CYB5R4: variants seen among roughly 807,000 people sequenced by gnomAD.
The protein encoded by CYB5R4 is cytochrome b5 reductase 4.
In CYB5R4, 55 loss-of-function variants were observed where a neutral mutation model predicts 70.2. The observed-to-expected ratio is 0.78, with a 90% confidence interval of 0.63 to 0.98. CYB5R4 has a LOEUF of 0.98. CYB5R4 is among the 50% of genes least tolerant of loss of function. The pLI, the probability that CYB5R4 is intolerant of heterozygous loss-of-function variation, is 0.00. For missense variants in CYB5R4, 562 were observed against 612.6 expected, an observed-to-expected ratio of 0.92 and a Z score of 0.87; for synonymous variants, 197 against 199.5, an observed-to-expected ratio of 0.99 and a Z score of 0.11.
chr6:83,918,125 T>A, intron 6 of CYB5R4, 60 bp downstream of exon 6: 1 of 1,291,262 alleles, frequency 7.7e-7, no homozygotes, highest in Non-Finnish European at 1.1e-6. Context: ...AATGTACACA[T>A]TTAAAAAATA....
chr6:83,905,484 G>A (rs989187817), intron 3 of CYB5R4, among the ~76,000 whole-genome samples: 1 of 152,146 alleles, frequency 6.6e-6, no homozygotes, highest in African/African-American at 2.4e-5. Flanking sequence ...TTCTTCAGGT[G>A]TAAACAGCAT....
chr6:83,921,281 AT>A, intron 8 of CYB5R4, 106 bp downstream of exon 8: 1 of 1,038,192 alleles, frequency 9.6e-7, no homozygotes. Flanking sequence ...TGCTGTTACC[AT>A]TTTGGTTTGT....
intron 5 of CYB5R4, 136 bp downstream of exon 5, chr6:83,914,584 C>T (rs972450929): frequency 1.4e-6 from 1 of 737,740 alleles, no homozygotes; most frequent in Non-Finnish European, 1.9e-6. Context: ...GTCACCCAGG[C>T]TGGAGTGCAG....
rs906610771 is a variant in CYB5R4 at position 83,924,537 on chromosome 6, C to T, written c.759C>T (p.Asp253=). 19 of 1,613,366 alleles carry T rather than the reference C, an allele frequency of 1.2e-5. No individual in the cohort carries two copies. Among genetic ancestry groups the T allele is most frequent in the Non-Finnish European group, 1.5e-5 (18 of 1,179,512 alleles). ...VLQKKENTSW[D]FLGHPLKNHN... is the part of the protein sequence containing the mutation. ...AAAAAAAAGAGAATACTTCTTGGGA[C>T]TTTCTTGGCCATCCCCTGAAGAATC... is the stretch of plus-strand genomic sequence containing the variant. Residue 253 remains aspartate, a synonymous_variant, in exon 10 of 16, where the codon GAC becomes GAT. Coordinates refer to ENST00000369681, the MANE Select transcript of CYB5R4 (RefSeq NM_016230.4).
intron 15 of CYB5R4, among the ~76,000 whole-genome samples, chr6:83,957,873 A>AGTTAG (rs1355276511): frequency 6.6e-6 from 1 of 152,146 alleles, no homozygotes; most frequent in Admixed American, 6.6e-5. Flanking sequence ...TGTGACTCTC[A>AGTTAG]GTTAGGACTC....
chr6:83,864,838 T>G (rs767635916), intron 2 of CYB5R4, among the ~76,000 whole-genome samples: 1 of 152,166 alleles, frequency 6.6e-6, no homozygotes, highest in Non-Finnish European at 1.5e-5. Context: ...TCAGAGTGCA[T>G]TAGAAACTCC....
intron 10 of CYB5R4, among the ~76,000 whole-genome samples, chr6:83,929,991 T>G (rs2099467918): frequency 6.6e-6 from 1 of 152,202 alleles, no homozygotes; most frequent in South Asian, 2.1e-4. Flanking sequence ...ACAATTTTTT[T>G]GGTTTCCCAG....
chr6:83,890,614 G>A (rs1458355633), intron 2 of CYB5R4, among the ~76,000 whole-genome samples: 1 of 152,196 alleles, frequency 6.6e-6, no homozygotes, highest in African/African-American at 2.4e-5. Context: ...AATTTTGGAA[G>A]CAGTTCTACT....
At chr6:83,943,421 C>T (rs372234018) in intron 14 of CYB5R4, among the ~76,000 whole-genome samples, 1 of 146,508 alleles carries the variant, frequency 6.8e-6, no homozygotes, top group Non-Finnish European at 1.5e-5. Flanking sequence ...GCATCAACAT[C>T]AAAAAAAAAA....
In CYB5R4 at chr6:83,922,486, C is replaced by G. The variant is rs986984982; in HGVS notation, c.691+16C>G. 1 of 1,608,160 alleles carries G rather than the reference C, an allele frequency of 6.2e-7. No individual in the cohort carries two copies. The highest frequency in any genetic ancestry group is 1.7e-4 in the Middle Eastern group (1 of 6,048). On this transcript the variant is annotated intron_variant, in intron 9 of 15. Transcript: ENST00000369681. Reference sequence around the variant, plus strand: ...GATTTTTCTGGTAAGCTACCAAAAACCAAAAATTATGTATGTACGTACATA... The same window carrying G: ...GATTTTTCTGGTAAGCTACCAAAAAGCAAAAATTATGTATGTACGTACATA...
chr6:83,890,848 G>A (rs1187209386), intron 2 of CYB5R4, among the ~76,000 whole-genome samples: 1 of 152,028 alleles, frequency 6.6e-6, no homozygotes, highest in Non-Finnish European at 1.5e-5. Context: ...GATGATATTA[G>A]CATTTTTATG....
intron 7 of CYB5R4, among the ~76,000 whole-genome samples, chr6:83,920,504 A>G (rs2099466199): frequency 6.6e-6 from 1 of 152,172 alleles, no homozygotes; most frequent in Non-Finnish European, 1.5e-5. Flanking sequence ...ATGGATGGCT[A>G]AGGGAAAAGG....
intron 14 of CYB5R4, among the ~76,000 whole-genome samples, chr6:83,947,178 A>G (rs530862847): frequency 6.6e-6 from 1 of 152,314 alleles, no homozygotes; most frequent in South Asian, 2.1e-4. Flanking sequence ...CACAGTAACC[A>G]AAACGGCATG....
At chr6:83,866,210 T>C (rs1227884825) in intron 2 of CYB5R4, among the ~76,000 whole-genome samples, 1 of 152,174 alleles carries the variant, frequency 6.6e-6, no homozygotes, top group Non-Finnish European at 1.5e-5. Flanking sequence ...TATTAGATAA[T>C]TGAGGCATTA....
At chr6:83,860,037 C>T (rs985522715) in intron 1 of CYB5R4, among the ~76,000 whole-genome samples, 180 bp downstream of exon 1, 2 of 152,152 alleles carry the variant, frequency 1.3e-5, no homozygotes, top group African/African-American at 4.8e-5. Flanking sequence ...CTCTCCTTAC[C>T]TCCTCCCTTT....
chr6:83,868,170 C>CT (rs150797150), intron 2 of CYB5R4, among the ~76,000 whole-genome samples: 3,971 of 146,800 alleles, frequency 0.027, 149 homozygotes, highest in African/African-American at 0.088. Flanking sequence ...ATCATAGTGC[C>CT]TTTTTTTTTT....
At chr6:83,893,738 A>G in intron 3 of CYB5R4, 116 bp downstream of exon 3, 3 of 578,024 alleles carry the variant, frequency 5.2e-6, no homozygotes, top group Non-Finnish European at 9.1e-6. Flanking sequence ...CATTGGCTTG[A>G]ATTTTGAAGT....
intron 3 of CYB5R4, among the ~76,000 whole-genome samples, chr6:83,902,716 G>A (rs1029317824): frequency 6.6e-6 from 1 of 152,084 alleles, no homozygotes; most frequent in Non-Finnish European, 1.5e-5. Context: ...TCAATGTTCT[G>A]TAGTTTTACT....
At position 83,859,701 on chromosome 6, in the gene CYB5R4, T is replaced by TAA. The variant is rs1562823393; in HGVS notation, c.-82_-81insAA. 6.7e-7 allele frequency: 1 copy of TAA among 1,499,928 alleles called. No homozygotes were observed. The highest frequency in any genetic ancestry group is 9.2e-7 in the Non-Finnish European group (1 of 1,091,436). 92.9% of individuals were successfully genotyped at this position (1,499,928 alleles called of 1,614,324 possible). A position where few individuals can be genotyped will look rare whatever the true frequency, so the allele number is the denominator to read the frequency against. ...GGAAGTGGGTCGGGGGCTTGGCCTC[T>TAA]GCCCGGCCACAGAGCCGGAGCTGGA... On this transcript the variant is annotated 5_prime_UTR_variant, in exon 1 of 16. Coordinates refer to ENST00000369681, the MANE Select transcript of CYB5R4 (RefSeq NM_016230.4).
Sources: gnomAD v4.1 joint callset for allele counts (sites outside exome capture counted in the v4.1 genomes callset) on GRCh38, gnomAD v4.1.1 for gene constraint, MANE v1.5 for transcripts, NCBI Gene and HGNC (gene_info 2026-07-23, HGNC 2026-07-21) for gene names.